The following SPIDR variants were observed in gnomAD, a reference collection of about 807,000 sequenced individuals.
SPIDR encodes the protein scaffold protein involved in DNA repair.
A neutral mutation model predicts 104.6 loss-of-function variants in SPIDR; 93 were observed. That is an observed-to-expected ratio of 0.89 (90% CI 0.75 to 1.06). SPIDR has a LOEUF of 1.06. Ranked by LOEUF, SPIDR falls within the 50% of genes least tolerant of loss-of-function variation. The pLI is 0.00. For synonymous variants in SPIDR, 431 were observed against 416.9 expected (o/e 1.03, Z -0.41); for missense variants, 1,154 against 1,111.2 (o/e 1.04, Z -0.55).
At position 47,618,806 on chromosome 8, in the gene SPIDR, G is replaced by A. The variant is rs990053338; in HGVS notation, c.1544+19610G>A. Among the ~76,000 whole-genome samples the A allele has an allele frequency of 6.6e-5, 10 of 152,264 alleles. No individual in the cohort carries two copies. The East Asian group carries it at 1.9e-3, about 29-fold the overall frequency. ...TAGGAACAATATCAATGTCAAAAATGGGATACTATGCTGTCATCTAAAATT... is the reference window on the plus strand; with the variant it reads ...TAGGAACAATATCAATGTCAAAAATAGGATACTATGCTGTCATCTAAAATT... On this transcript the variant is annotated intron_variant, in intron 10 of 19. Transcript: ENST00000297423.
At chr8:47,604,276 T>A (rs151288820) in intron 10 of SPIDR, among the ~76,000 whole-genome samples, 18 of 152,272 alleles carry the variant, frequency 1.2e-4, no homozygotes, top group African/African-American at 4.3e-4. Context: ...AGAGAATACC[T>A]TTGAAAAGCT....
chr8:47,729,468 A>AAGTGCAGGGGGCCC lies in SPIDR; in HGVS notation c.2604+6_2604+19dup, dbSNP rs1477153817. On this transcript the variant is annotated splice_donor_region_variant and intron_variant, in intron 19 of 19. Transcript: ENST00000297423. ...GGTTTGCCGCCGGTGAAGATGGGGT[A>AAGTGCAGGGGGCCC]AGTGCAGGGGGCCCAGCCCAGGGGG... is the stretch of plus-strand genomic sequence containing the variant. 1.3e-6 allele frequency: 2 copies of AAGTGCAGGGGGCCC among 1,595,360 alleles called. No homozygotes were observed. The highest frequency in any genetic ancestry group is 1.7e-6 in the Non-Finnish European group (2 of 1,172,196).
intron 5 of SPIDR, among the ~76,000 whole-genome samples, chr8:47,299,240 A>G (rs2154245497): frequency 6.6e-6 from 1 of 151,344 alleles, no homozygotes; most frequent in South Asian, 2.1e-4. Flanking sequence ...TTCACTCATG[A>G]TTTGGCTCTC....
At chr8:47,457,715 A>G (rs1554710678) in intron 8 of SPIDR, among the ~76,000 whole-genome samples, 1 of 152,054 alleles carries the variant, frequency 6.6e-6, no homozygotes, top group African/African-American at 2.4e-5. Flanking sequence ...GAAATTTTAC[A>G]GTTTCAGGTC....
At chr8:47,389,561 C>T (rs893554040) in intron 5 of SPIDR, among the ~76,000 whole-genome samples, 2 of 151,764 alleles carry the variant, frequency 1.3e-5, no homozygotes, top group Admixed American at 1.3e-4. Context: ...TGGTGGTGGG[C>T]ACCTGTAGTC....
At chr8:47,713,795 A>G (rs1157558830) in intron 16 of SPIDR, among the ~76,000 whole-genome samples, 154 bp downstream of exon 16, 4 of 152,248 alleles carry the variant, frequency 2.6e-5, no homozygotes, top group Non-Finnish European at 5.9e-5. Flanking sequence ...TGTTCTTGGT[A>G]TCAGACTCGA....
chr8:47,393,887 CTGTCT>C (rs2060933185), intron 5 of SPIDR, among the ~76,000 whole-genome samples: 2 of 150,476 alleles, frequency 1.3e-5, no homozygotes, highest in Non-Finnish European at 1.5e-5. Flanking sequence ...GTCCTTTGTC[CTGTCT>C]TTCGTCCTCC....
At chr8:47,333,661 C>G (rs747847238) in intron 5 of SPIDR, among the ~76,000 whole-genome samples, 10 of 152,118 alleles carry the variant, frequency 6.6e-5, no homozygotes, top group Non-Finnish European at 1.5e-4. Flanking sequence ...TAGATTAGTA[C>G]CATAGTCATT....
intron 5 of SPIDR, among the ~76,000 whole-genome samples, chr8:47,306,106 C>T (rs1351518197): frequency 6.6e-6 from 1 of 152,112 alleles, no homozygotes; most frequent in Non-Finnish European, 1.5e-5. Flanking sequence ...TTTCACTTAG[C>T]ATAATATCCT....
chr8:47,715,402 C>T (rs184415120), intron 16 of SPIDR, among the ~76,000 whole-genome samples: 1 of 152,108 alleles, frequency 6.6e-6, no homozygotes, highest in Non-Finnish European at 1.5e-5. Flanking sequence ...GTCTCGAACT[C>T]CTGACCTCAG....
intron 8 of SPIDR, among the ~76,000 whole-genome samples, chr8:47,535,698 A>G (rs2086785485): frequency 6.6e-6 from 1 of 152,166 alleles, no homozygotes. Context: ...TTAAAAAAAA[A>G]TAGTCAGCAA....
chr8:47,270,953 G>A (rs1372832802), intron 1 of SPIDR, among the ~76,000 whole-genome samples: 4 of 151,856 alleles, frequency 2.6e-5, no homozygotes, highest in South Asian at 4.2e-4. Context: ...TAAATTTATC[G>A]AAGCTTGAGT....
intron 8 of SPIDR, among the ~76,000 whole-genome samples, chr8:47,502,840 T>G (rs2080762433): frequency 6.6e-6 from 1 of 152,266 alleles, no homozygotes; most frequent in East Asian, 1.9e-4. Flanking sequence ...TGTTGTGTCT[T>G]TGTTCTCATT....
At chr8:47,581,496 A>G (rs1030500752) in intron 8 of SPIDR, among the ~76,000 whole-genome samples, 3 of 152,150 alleles carry the variant, frequency 2.0e-5, no homozygotes, top group Non-Finnish European at 4.4e-5. Flanking sequence ...TAAAAAATAT[A>G]CACCTGTAGC....
At chr8:47,667,708 G>A (rs1463689628) in intron 10 of SPIDR, 1 of 151,954 alleles carries the variant, frequency 6.6e-6, no homozygotes, top group African/African-American at 2.4e-5. Context: ...ATAAAGAGAA[G>A]ATAAATAATA....
intron 8 of SPIDR, among the ~76,000 whole-genome samples, chr8:47,539,368 C>A (rs1214351874): frequency 6.6e-6 from 1 of 152,086 alleles, no homozygotes; most frequent in African/African-American, 2.4e-5. Context: ...GTATGCAGTG[C>A]CCAGAGCGAG....
chr8:47,391,801 C>G (rs2060609439), intron 5 of SPIDR, among the ~76,000 whole-genome samples: 1 of 151,878 alleles, frequency 6.6e-6, no homozygotes. Context: ...TCGAGACCAT[C>G]CTGGCTAACA....
At chr8:47,618,795 A>G (rs773350720) in intron 10 of SPIDR, among the ~76,000 whole-genome samples, 2 of 152,208 alleles carry the variant, frequency 1.3e-5, no homozygotes, top group Non-Finnish European at 2.9e-5. Flanking sequence ...AACAATATCA[A>G]TGTCAAAAAT....
At chr8:47,735,231 C>G in intron 19 of SPIDR, 76 bp from the exon 20 acceptor site, 3 of 1,453,982 alleles carry the variant, frequency 2.1e-6, no homozygotes, top group Non-Finnish European at 1.9e-6. Context: ...CACTCTGGCT[C>G]TCTGGTTTTC....
Sources: gnomAD v4.1 joint callset for allele counts (sites outside exome capture counted in the v4.1 genomes callset) on GRCh38, gnomAD v4.1.1 for gene constraint, MANE v1.5 for transcripts, NCBI Gene and HGNC (gene_info 2026-07-23, HGNC 2026-07-21) for gene names.